Variants in CHODL observed in about 807,000 individuals in gnomAD.
The protein encoded by CHODL is chondrolectin.
CHODL carries 29 observed loss-of-function variants against 34.5 expected under a neutral mutation model. The ratio of observed to expected loss-of-function variants is 0.84; its 90% CI spans 0.63 to 1.15. The LOEUF (loss-of-function observed/expected upper bound fraction) is 1.15, where lower values mean the gene tolerates loss of function less well. Among genes scored for constraint, CHODL ranks in the 50% most tolerant of loss-of-function variants. CHODL has a pLI of 0.00. For missense variants in CHODL, 332 were observed against 332.5 expected (o/e 1.00, Z 0.01); for synonymous variants, 125 against 116.1 (o/e 1.08, Z -0.49).
chr21:18,108,058 T>A (rs1303289852), intron 2 of CHODL, among the ~76,000 whole-genome samples: 1 of 152,236 alleles, frequency 6.6e-6, no homozygotes, highest in Non-Finnish European at 1.5e-5. Context: ...GTGAACTTCC[T>A]GATTTCCATT....
intron 1 of CHODL, among the ~76,000 whole-genome samples, chr21:17,920,751 G>A (rs1008808485): frequency 2.0e-5 from 3 of 152,170 alleles, no homozygotes; most frequent in Non-Finnish European, 2.9e-5. Flanking sequence ...GAGATCTATC[G>A]GAGTAAATAC....
chr21:18,120,585 C>G (rs983640241), intron 2 of CHODL, among the ~76,000 whole-genome samples: 1 of 152,004 alleles, frequency 6.6e-6, no homozygotes, highest in East Asian at 1.9e-4. Flanking sequence ...CCAAGAGGAA[C>G]CTGTTTATTG....
At position 18,258,344 on chromosome 21, in the gene CHODL, A is replaced by G. The variant is rs566794464; in HGVS notation, c.547+1217A>G. ...AAGTTGAAATCCTCTGATATTTTAA[A>G]TTTGTGACATTCTATGTACTTAAGA... On this transcript the variant is annotated intron_variant, in intron 3 of 5. Transcript: ENST00000299295. Among the ~76,000 whole-genome samples the G allele has an allele frequency of 1.1e-4, 17 of 152,226 alleles. 1 individual carries two copies. The highest frequency in any genetic ancestry group is 4.1e-4 in the African/African-American group (17 of 41,544).
At chr21:18,219,279 A>T (rs2073860152) in intron 2 of CHODL, among the ~76,000 whole-genome samples, 1 of 152,184 alleles carries the variant, frequency 6.6e-6, no homozygotes, top group Admixed American at 6.6e-5. Flanking sequence ...CTTTCACATG[A>T]TGACAGGAAG....
chr21:17,967,893 C>T (rs763377007), intron 1 of CHODL, among the ~76,000 whole-genome samples: 1 of 152,138 alleles, frequency 6.6e-6, no homozygotes, highest in African/African-American at 2.4e-5. Flanking sequence ...GGACCAATGC[C>T]TACCTTGTTG....
intron 2 of CHODL, among the ~76,000 whole-genome samples, chr21:18,137,925 T>G (rs1859300324): frequency 6.6e-6 from 1 of 152,106 alleles, no homozygotes; most frequent in South Asian, 2.1e-4. Flanking sequence ...TTACCCACAA[T>G]AAGAACACTT....
At chr21:17,924,847 T>A (rs964298011) in intron 1 of CHODL, among the ~76,000 whole-genome samples, 4 of 152,198 alleles carry the variant, frequency 2.6e-5, no homozygotes, top group Admixed American at 6.5e-5. Context: ...CTGCTAATCA[T>A]TCTGTTATAT....
At chr21:17,999,752 A>T (rs532020595) in intron 1 of CHODL, among the ~76,000 whole-genome samples, 2 of 152,212 alleles carry the variant, frequency 1.3e-5, no homozygotes, top group African/African-American at 4.8e-5. Context: ...CCCACAACAC[A>T]TGGGAATTCT....
At chr21:18,230,749 A>G (rs972008703) in intron 2 of CHODL, among the ~76,000 whole-genome samples, 1 of 152,134 alleles carries the variant, frequency 6.6e-6, no homozygotes, top group Non-Finnish European at 1.5e-5. Context: ...GTGTTAAAAT[A>G]CCAATCAAAA....
chr21:17,947,596 A>G (rs1426254916), intron 1 of CHODL, among the ~76,000 whole-genome samples: 1 of 151,956 alleles, frequency 6.6e-6, no homozygotes, highest in Admixed American at 6.6e-5. Context: ...GTCAAAGGAG[A>G]CAGACATTTT....
At chr21:18,258,600 A>G (rs1478578501) in intron 3 of CHODL, among the ~76,000 whole-genome samples, 1 of 152,072 alleles carries the variant, frequency 6.6e-6, no homozygotes, top group Non-Finnish European at 1.5e-5. Context: ...AAGAGCATTT[A>G]TGATATAAAA....
intron 2 of CHODL, among the ~76,000 whole-genome samples, chr21:18,180,046 ATTG>A (rs1300396048): frequency 3.3e-5 from 5 of 152,172 alleles, no homozygotes; most frequent in African/African-American, 1.2e-4. Flanking sequence ...AGTTTATAGT[ATTG>A]TTGTAGGGAT....
At chr21:17,952,583 A>T (rs1182319944) in intron 1 of CHODL, among the ~76,000 whole-genome samples, 1 of 152,090 alleles carries the variant, frequency 6.6e-6, no homozygotes, top group African/African-American at 2.4e-5. Flanking sequence ...TTCTAAAGGA[A>T]TTTTTTCAGG....
upstream of CHODL, among the ~76,000 whole-genome samples, chr21:18,243,547 A>ATTTT (rs113607712): frequency 6.9e-6 from 1 of 144,464 alleles, no homozygotes; most frequent in African/African-American, 2.5e-5. Flanking sequence ...TTAGAATTCT[A>ATTTT]TTTTTTTTTT....
intron 1 of CHODL, among the ~76,000 whole-genome samples, chr21:17,977,728 C>T (rs1172997317): frequency 2.7e-5 from 4 of 149,062 alleles, no homozygotes; most frequent in Non-Finnish European, 5.9e-5. Flanking sequence ...ACCATCCTGG[C>T]CAACATGGTG....
intron 2 of CHODL, among the ~76,000 whole-genome samples, chr21:18,161,132 AAG>A (rs1208581348): frequency 8.2e-6 from 1 of 122,000 alleles, no homozygotes; most frequent in Non-Finnish European, 1.9e-5. Context: ...TTCTTTTGGA[AAG>A]TGTCTGTTCA....
chr21:18,171,284 G>A (rs2073227479), intron 2 of CHODL, among the ~76,000 whole-genome samples: 1 of 122,552 alleles, frequency 8.2e-6, no homozygotes, highest in Non-Finnish European at 1.6e-5. Context: ...TCGGCTCACT[G>A]CAAGCTCCGC....
intron 2 of CHODL, among the ~76,000 whole-genome samples, chr21:18,184,599 C>A (rs942923751): frequency 6.6e-6 from 1 of 152,194 alleles, no homozygotes; most frequent in African/African-American, 2.4e-5. Context: ...TGAAAGAAGT[C>A]TGACTCTTAA....
intron 2 of CHODL, among the ~76,000 whole-genome samples, chr21:18,048,469 G>A (rs947746811): frequency 6.9e-4 from 105 of 151,726 alleles, no homozygotes; most frequent in African/African-American, 2.4e-3. Flanking sequence ...CATCTTGTTC[G>A]GTGCATAGTT....
Sources: gnomAD v4.1 joint callset for allele counts (sites outside exome capture counted in the v4.1 genomes callset) on GRCh38, gnomAD v4.1.1 for gene constraint, MANE v1.5 for transcripts, NCBI Gene and HGNC (gene_info 2026-07-23, HGNC 2026-07-21) for gene names.